CSNK1D: variants seen among roughly 807,000 people sequenced by gnomAD.
CSNK1D encodes casein kinase 1 delta, also known as casein kinase I isoform delta.
Under a neutral mutation model 46.6 loss-of-function variants are expected in CSNK1D, and 16 were observed. The observed-to-expected ratio is 0.34, with a 90% confidence interval of 0.23 to 0.52. CSNK1D has a LOEUF of 0.52. CSNK1D is among the 20% of genes least tolerant of loss of function. The probability of loss-of-function intolerance (pLI) is 0.95; values close to 1 mark genes in which losing one functional copy is unlikely to be tolerated. For synonymous variants in CSNK1D, 276 were observed against 228.2 expected (o/e 1.21, Z -1.89); for missense variants, 398 against 578.4 (o/e 0.69, Z 3.20).
At position 82,249,328 on chromosome 17, in the gene CSNK1D, G is replaced by T; in HGVS notation, c.1057+103C>A. 8.1e-7 allele frequency: 1 copy of T among 1,231,276 alleles called. No individual in the cohort carries two copies. The highest frequency in any genetic ancestry group is 1.1e-6 in the Non-Finnish European group (1 of 874,738). 76.3% of individuals were successfully genotyped at this position (1,231,276 alleles called of 1,614,324 possible). ...AGGAGCGAGCATCGCCTGACACAGG[G>T]CACTTAGTGTCCACCACCAAGTACC... On this transcript the variant is annotated intron_variant, in intron 7 of 8. Transcript: ENST00000314028. The surrounding 1 kb of genome is among the most constrained non-coding windows in gnomAD (Gnocchi z 6.7).
At chr17:82,256,023 T>TA (rs2051166524) in intron 2 of CSNK1D, among the ~76,000 whole-genome samples, 1 of 152,216 alleles carries the variant, frequency 6.6e-6, no homozygotes, top group Non-Finnish European at 1.5e-5. Context: ...TATGTTCAAT[T>TA]ACTCCGATGT....
Position 82,244,320 on chromosome 17 carries a change from TG to T in CSNK1D, c.*460del. ...AGAATTCCTTAGTCAACATTTTTTT[TG>T]TAAGACTGCAAAAACAGACAAGAAA... On this transcript the variant is annotated 3_prime_UTR_variant, in exon 9 of 9. Coordinates refer to ENST00000314028, the MANE Select transcript of CSNK1D (RefSeq NM_001893.6). The T allele has an allele frequency of 9.1e-7, 1 of 1,101,732 alleles. No homozygotes were observed. The highest frequency in any genetic ancestry group is 1.1e-6 in the Non-Finnish European group (1 of 896,660). The allele number at this position is 1,101,732 out of a possible 1,614,324, so 68.2% of individuals were successfully genotyped here. A position where few individuals can be genotyped will look rare whatever the true frequency, so the allele number is the denominator to read the frequency against.
chr17:82,240,169 C>A (rs2050722849), downstream of CSNK1D: 1 of 885,670 alleles, frequency 1.1e-6, no homozygotes, highest in Non-Finnish European at 1.5e-6. Context: ...AGGCTCCTGC[C>A]TGCAGCCTCA....
chr17:82,253,364 G>C (rs2051062879), intron 3 of CSNK1D, 120 bp from the exon 4 acceptor site: 4 of 880,234 alleles, frequency 4.5e-6, no homozygotes, highest in African/African-American at 1.6e-5. Context: ...CAGCAGGGTA[G>C]TTTAACAATT....
At position 82,253,056 on chromosome 17, in the gene CSNK1D, C is replaced by T. The variant is rs2147174973; in HGVS notation, c.525G>A (p.Gly175=). Residue 175 remains glycine (G), a synonymous_variant, in exon 4 of 9, where the codon GGG becomes GGA. Coordinates refer to ENST00000314028, the MANE Select transcript of CSNK1D (RefSeq NM_001893.6). ...IPYRENKNLT[G]TARYASINTH... ...TGTTGATGGAGGCGTACCGCGCCGT[C>T]CCCGTGAGGTTCTTGTTCTCACGAT... The T allele has an allele frequency of 6.2e-7, 1 of 1,614,058 alleles. No individual in the cohort carries two copies. Among genetic ancestry groups the T allele is most frequent in the Non-Finnish European group, 8.5e-7 (1 of 1,179,982 alleles).
chr17:82,247,623 A>G (rs1240445282), intron 8 of CSNK1D: 2 of 985,322 alleles, frequency 2.0e-6, no homozygotes, highest in Admixed American at 1.2e-4. Flanking sequence ...CCCTCCCGGG[A>G]ACTGCTCACA....
Position 82,250,141 on chromosome 17 carries a change from C to G in CSNK1D, c.886-539G>C. On this transcript the variant is annotated intron_variant, in intron 6 of 8. Coordinates refer to ENST00000314028, the MANE Select transcript of CSNK1D (RefSeq NM_001893.6). The surrounding 1 kb of genome is among the most constrained non-coding windows in gnomAD (Gnocchi z 4.6). Reference sequence around the variant, plus strand: ...ATCTGTGCTGCACTATCCAGATGCACGGGGGTGGGGAGGTCAGATTTTAAG... The same window carrying G: ...ATCTGTGCTGCACTATCCAGATGCAGGGGGGTGGGGAGGTCAGATTTTAAG... 7.8e-7 allele frequency: 1 copy of G among 1,290,268 alleles called. No homozygotes were observed. The highest frequency in any genetic ancestry group is 1.0e-6 in the Non-Finnish European group (1 of 989,206). The allele number at this position is 1,290,268 out of a possible 1,614,324, so 79.9% of individuals were successfully genotyped here.
At position 82,252,264 on chromosome 17, in the gene CSNK1D, G is replaced by A. The variant is rs1467373516; in HGVS notation, c.736+170C>T. ...TTGGCAAGTAAGTCAAGATGAACAG[G>A]AGGGCAGGCTGTTACCTCCATACAC... is the stretch of plus-strand genomic sequence containing the variant. On this transcript the variant is annotated intron_variant, in intron 5 of 8. Coordinates refer to ENST00000314028, the MANE Select transcript of CSNK1D (RefSeq NM_001893.6). The surrounding 1 kb of genome is among the most constrained non-coding windows in gnomAD (Gnocchi z 4.6). 6.6e-6 allele frequency among the ~76,000 whole-genome samples: 1 copy of A among 152,184 alleles called. No homozygotes were observed. The highest frequency in any genetic ancestry group is 2.4e-5 in the African/African-American group (1 of 41,434).
Position 82,249,869 on chromosome 17 carries a change from T to TA in CSNK1D, c.886-268dup. The TA allele has an allele frequency of 7.1e-7, 1 of 1,408,020 alleles. No homozygotes were observed. 87.2% of individuals were successfully genotyped at this position (1,408,020 alleles called of 1,614,324 possible). ...TCTCCCTGTGGGCTCAGAACTTCCT[T>TA]AAACTTCCAAATGGGCAGCAGCTAC... is the stretch of plus-strand genomic sequence containing the variant. On this transcript the variant is annotated intron_variant, in intron 6 of 8. Transcript: ENST00000314028. This position sits in a 1 kb window ranked among gnomAD's most constrained non-coding sequence, Gnocchi z 6.7.
intron 8 of CSNK1D, chr17:82,247,169 A>G (rs2050871933): frequency 6.1e-6 from 6 of 984,862 alleles, no homozygotes; most frequent in Non-Finnish European, 7.2e-6. Context: ...CTCTCTGGAG[A>G]CTCCTCCCTG....
intron 8 of CSNK1D, chr17:82,246,396 C>A: frequency 8.1e-7 from 1 of 1,237,102 alleles, no homozygotes; most frequent in South Asian, 1.6e-5. Flanking sequence ...GGGAGACGCA[C>A]ATCCTCGCCG....
chr17:82,250,969 G>T lies in CSNK1D; in HGVS notation c.885+410C>A. 1 of 313,286 alleles carries T rather than the reference G, an allele frequency of 3.2e-6. No homozygotes were observed. Among genetic ancestry groups the T allele is most frequent in the Non-Finnish European group, 6.2e-6 (1 of 161,132 alleles). 19.4% of individuals were successfully genotyped at this position (313,286 alleles called of 1,614,324 possible). A position where few individuals can be genotyped will look rare whatever the true frequency, so the allele number is the denominator to read the frequency against. On this transcript the variant is annotated intron_variant, in intron 6 of 8. Transcript: ENST00000314028. This position sits in a 1 kb window ranked among gnomAD's most constrained non-coding sequence, Gnocchi z 4.6. ...ATCAGCTCATGACAGGGTCAGTCAG[G>T]CTAGACGGGTAGCACCTCACCAGGC...
In CSNK1D at chr17:82,250,078, G is replaced by C; in HGVS notation, c.886-476C>G. 7.8e-7 allele frequency: 1 copy of C among 1,289,456 alleles called. No individual in the cohort carries two copies. The highest frequency in any genetic ancestry group is 1.0e-6 in the Non-Finnish European group (1 of 989,072). 79.9% of individuals were successfully genotyped at this position (1,289,456 alleles called of 1,614,324 possible). ...CGGACCCTGCAGCCTCCAACAGCCT[G>C]TGCAGGTGTGGTGGCGTGGCCAGCA... On this transcript the variant is annotated intron_variant, in intron 6 of 8. Coordinates refer to ENST00000314028, the MANE Select transcript of CSNK1D (RefSeq NM_001893.6). This position sits in a 1 kb window ranked among gnomAD's most constrained non-coding sequence, Gnocchi z 4.6.
Position 82,248,912 on chromosome 17 carries a change from G to C in CSNK1D, c.1160C>G (p.Thr387Arg), listed in dbSNP as rs2050922329. 2 of 1,609,744 alleles carry C rather than the reference G, an allele frequency of 1.2e-6. No homozygotes were observed. Among genetic ancestry groups the C allele is most frequent in the Non-Finnish European group, 1.7e-6 (2 of 1,177,854 alleles). Residue 387 changes from threonine (T) to arginine (R), a missense_variant, in exon 8 of 9, where the codon ACA becomes AGA. Physicochemically the swap from Thr to Arg is moderately conservative, Grantham distance 71. Transcript: ENST00000314028. This position sits in a 1 kb window ranked among gnomAD's most constrained non-coding sequence, Gnocchi z 4.1. Reference sequence around the variant, plus strand: ...CATGCGAGAGGTATCTTGTCGGCCTGTGAGGTCGGACGAGGAGATGTTGAC... The same window carrying C: ...CATGCGAGAGGTATCTTGTCGGCCTCTGAGGTCGGACGAGGAGATGTTGAC... ...APVNISSSDL[T>R]GRQDTSRMST...
At chr17:82,247,513 G>A (rs923367840) in intron 8 of CSNK1D, 1 of 985,380 alleles carries the variant, frequency 1.0e-6, no homozygotes, top group African/African-American at 1.7e-5. Context: ...GGCTGTCCAA[G>A]TCCGGTCAGC....
At chr17:82,260,321 G>GTGATGTGACTGATGGTGTACTGAC (rs1314645809) in intron 2 of CSNK1D, among the ~76,000 whole-genome samples, 3 of 137,770 alleles carry the variant, frequency 2.2e-5, no homozygotes, top group African/African-American at 5.1e-5. Context: ...GGTGTACTGA[G>GTGATGTGACTGATGGTGTACTGAC]TGATGTGACT....
In CSNK1D at chr17:82,263,006, C is replaced by T. The variant is rs1247082048; in HGVS notation, c.187+2680G>A. On this transcript the variant is annotated intron_variant, in intron 2 of 8. Transcript: ENST00000314028. ...ACCAGCCTGGCCAACGTGGTGAAGC[C>T]CTATCTCTACTAAAAATACAAAAAT... Among the ~76,000 whole-genome samples the T allele has an allele frequency of 2.0e-5, 3 of 152,236 alleles. No homozygotes were observed. The East Asian group carries it at 5.8e-4, about 29-fold the overall frequency.
chr17:82,273,467 G>C lies in CSNK1D; in HGVS notation c.-86C>G. The C allele has an allele frequency of 6.6e-7, 1 of 1,526,234 alleles. No homozygotes were observed. The highest frequency in any genetic ancestry group is 8.9e-7 in the Non-Finnish European group (1 of 1,120,690). 94.5% of individuals were successfully genotyped at this position (1,526,234 alleles called of 1,614,324 possible). ...AGGCGGCGCCGCTGCTGCCGCTACT[G>C]CGGGTCCGGCTCCCGGCTCCGCCCC... is the stretch of plus-strand genomic sequence containing the variant. On this transcript the variant is annotated 5_prime_UTR_variant, in exon 1 of 9. Transcript: ENST00000314028. The surrounding 1 kb of genome is among the most constrained non-coding windows in gnomAD (Gnocchi z 5.1).
downstream of CSNK1D, among the ~76,000 whole-genome samples, chr17:82,240,763 G>A (rs2050731538): frequency 1.3e-5 from 2 of 152,228 alleles, no homozygotes; most frequent in Admixed American, 1.3e-4. Flanking sequence ...TCCAGATGTG[G>A]GAAGGCAGCC....
Sources: allele counts gnomAD v4.1 joint callset (sites outside exome capture counted in the v4.1 genomes callset), GRCh38; gene constraint gnomAD v4.1.1; non-coding constraint Gnocchi (gnomAD v3.1); transcripts MANE v1.5; gene names NCBI Gene and HGNC (gene_info 2026-07-23, HGNC 2026-07-21).